Variants in DEK observed in about 807,000 individuals in gnomAD.
The protein encoded by DEK is DEK proto-oncogene.
Under a neutral mutation model 46.8 loss-of-function variants are expected in DEK, and 28 were observed. That is an observed-to-expected ratio of 0.60 (90% CI 0.44 to 0.82). DEK has a LOEUF of 0.82. DEK is among the 40% of genes least tolerant of loss of function. The probability of loss-of-function intolerance (pLI) is 0.00; values close to 1 mark genes in which losing one functional copy is unlikely to be tolerated. For missense variants in DEK, 416 were observed against 430.6 expected, an observed-to-expected ratio of 0.97 and a Z score of 0.30; for synonymous variants, 160 against 144.5, an observed-to-expected ratio of 1.11 and a Z score of -0.77.
rs1383901584 is a variant in DEK, at chr6:18,243,573, T to G, written c.763-6057A>C. ...TGCCTTCCCTGTTCCTTATCTTTGT[T>G]CACACGTACAACTTTCCTCTCCATT... On this transcript the variant is annotated intron_variant, in intron 7 of 10. Transcript: ENST00000652689. Among the ~76,000 whole-genome samples, 3 of 152,200 alleles carry G rather than the reference T, an allele frequency of 2.0e-5. No homozygotes were observed. The East Asian group carries it at 5.8e-4, about 29-fold the overall frequency.
chr6:18,225,973 A>G lies in DEK; in HGVS notation c.1116+201T>C. ...TGAGGCCACATCATAATCTGAGTTC[A>G]GGTCTTATCACTAACTGTTCAAACT... On this transcript the variant is annotated intron_variant, in intron 10 of 10. Transcript: ENST00000652689. 3 of 701,236 alleles carry G rather than the reference A, an allele frequency of 4.3e-6. No homozygotes were observed. In the South Asian group the frequency reaches 7.1e-5, roughly 16 times the overall value. 43.4% of individuals were successfully genotyped at this position (701,236 alleles called of 1,614,324 possible).
chr6:18,227,174 A>G (rs556937123), intron 9 of DEK, among the ~76,000 whole-genome samples: 1 of 152,248 alleles, frequency 6.6e-6, no homozygotes, highest in African/African-American at 2.4e-5. Context: ...GTCTGTGCTG[A>G]GGAGGGTTAG....
chr6:18,247,160 CTG>C (rs1554160475), intron 7 of DEK, among the ~76,000 whole-genome samples: 1 of 152,124 alleles, frequency 6.6e-6, no homozygotes, highest in Non-Finnish European at 1.5e-5. Context: ...ACTGTTCCTC[CTG>C]CCAGAACTTA....
intron 9 of DEK, among the ~76,000 whole-genome samples, chr6:18,235,437 A>T (rs966403632): frequency 6.6e-5 from 10 of 152,220 alleles, no homozygotes; most frequent in South Asian, 2.1e-4. Flanking sequence ...CTCCACTAGG[A>T]AATTCAGTTA....
Position 18,255,658 on chromosome 6 carries a change from T to C in DEK, c.573+73A>G, listed in dbSNP as rs73726740. 3.1e-5 allele frequency: 47 copies of C among 1,510,836 alleles called. No homozygotes were observed. In the African/African-American group the frequency reaches 5.3e-4, roughly 17 times the overall value. The allele number at this position is 1,510,836 out of a possible 1,614,324, so 93.6% of individuals were successfully genotyped here. Reference sequence around the variant, plus strand: ...ACGAATACTGACAGCAATGCTGTTATTAATCAATTTTTGTTTCATATAAAG... The same window carrying C: ...ACGAATACTGACAGCAATGCTGTTACTAATCAATTTTTGTTTCATATAAAG... On this transcript the variant is annotated intron_variant, in intron 6 of 10. Coordinates refer to ENST00000652689, the MANE Select transcript of DEK (RefSeq NM_003472.4).
chr6:18,241,746 G>A (rs1165482086), intron 7 of DEK, among the ~76,000 whole-genome samples: 3 of 152,038 alleles, frequency 2.0e-5, no homozygotes, highest in African/African-American at 7.2e-5. Context: ...AATCTTTGTT[G>A]CATATTCATT....
chr6:18,233,167 G>A (rs1447620460), intron 9 of DEK, among the ~76,000 whole-genome samples: 6 of 152,134 alleles, frequency 3.9e-5, no homozygotes, highest in Admixed American at 2.6e-4. Context: ...GCTGAAACTG[G>A]ATCGCTTCTT....
At chr6:18,232,244 C>A (rs1409925273) in intron 9 of DEK, among the ~76,000 whole-genome samples, 2 of 152,106 alleles carry the variant, frequency 1.3e-5, no homozygotes, top group Non-Finnish European at 2.9e-5. Flanking sequence ...TTATGACAAA[C>A]CCACAGTCAT....
At chr6:18,257,657 A>G (rs1791657854) in intron 4 of DEK, among the ~76,000 whole-genome samples, 1 of 152,122 alleles carries the variant, frequency 6.6e-6, no homozygotes, top group African/African-American at 2.4e-5. Context: ...TTGAGGCTGC[A>G]GTGAGCCATG....
intron 9 of DEK, among the ~76,000 whole-genome samples, chr6:18,235,164 T>C (rs1486803313): frequency 6.6e-6 from 1 of 152,210 alleles, no homozygotes; most frequent in East Asian, 1.9e-4. Flanking sequence ...AGGATAACTT[T>C]TAAAAATAAA....
chr6:18,245,089 G>T (rs1791049409), intron 7 of DEK, among the ~76,000 whole-genome samples: 1 of 152,182 alleles, frequency 6.6e-6, no homozygotes, highest in Admixed American at 6.5e-5. Flanking sequence ...CTTGCAGTTA[G>T]GTGGGCAGAC....
chr6:18,245,675 C>G (rs960397796), intron 7 of DEK, among the ~76,000 whole-genome samples: 1 of 151,968 alleles, frequency 6.6e-6, no homozygotes, highest in African/African-American at 2.4e-5. Flanking sequence ...TTTTTCTGTA[C>G]TCTGCAGTAA....
intron 6 of DEK, 57 bp downstream of exon 6, chr6:18,255,674 T>A: frequency 1.3e-6 from 2 of 1,543,634 alleles, no homozygotes; most frequent in South Asian, 2.5e-5. Flanking sequence ...AATTTTTGTT[T>A]CATATAAAGA....
At position 18,257,900 on chromosome 6, in the gene DEK, G is replaced by A. The variant is rs1414597053; in HGVS notation, c.357+53C>T. ...TGGATCACTAACATTTACAGAAATT[G>A]ATTCCATTGTGAAGTAATATACAAG... On this transcript the variant is annotated intron_variant, in intron 4 of 10. Transcript: ENST00000652689. The A allele has an allele frequency of 2.3e-6, 3 of 1,302,986 alleles. No individual in the cohort carries two copies. The African/African-American group carries it at 4.5e-5, about 19-fold the overall frequency. The allele number at this position is 1,302,986 out of a possible 1,614,324, so 80.7% of individuals were successfully genotyped here.
chr6:18,230,709 A>AGTAT (rs1790377474), intron 9 of DEK, among the ~76,000 whole-genome samples: 4 of 152,324 alleles, frequency 2.6e-5, no homozygotes, highest in Admixed American at 6.5e-5. Flanking sequence ...CCAATACAGG[A>AGTAT]GCACCCAGAT....
intron 9 of DEK, among the ~76,000 whole-genome samples, chr6:18,231,254 C>A (rs1790400709): frequency 6.6e-6 from 1 of 152,112 alleles, no homozygotes; most frequent in African/African-American, 2.4e-5. Context: ...TAAATGCCCA[C>A]AGGAGAAAGC....
In DEK at chr6:18,263,889, C is replaced by T. The variant is rs200153695; in HGVS notation, c.99G>A (p.Glu33=). Residue 33 remains glutamate, a synonymous_variant, in exon 2 of 11, where the codon GAG becomes GAA. Coordinates refer to ENST00000652689, the MANE Select transcript of DEK (RefSeq NM_003472.4). ...PEMPGPREES[E]EEEDEDDEEE... is the part of the protein sequence containing the mutation. ...CCTCGTCGTCCTCGTCCTCTTCCTC[C>T]TCGCTCTCCTCTCTGGGACCGGGCA... 581 of 1,613,046 alleles carry T rather than the reference C, an allele frequency of 3.6e-4. 1 individual carries two copies. The highest frequency in any genetic ancestry group is 4.5e-4 in the Non-Finnish European group (530 of 1,179,492).
intron 5 of DEK, 54 bp from the exon 6 acceptor site, chr6:18,255,905 G>A (rs1791573646): frequency 6.4e-7 from 1 of 1,552,632 alleles, no homozygotes; most frequent in African/African-American, 1.4e-5. Context: ...GCTTACATAT[G>A]TTCTCCACAA....
intron 9 of DEK, among the ~76,000 whole-genome samples, chr6:18,227,854 T>C (rs1790210372): frequency 6.6e-6 from 1 of 152,216 alleles, no homozygotes; most frequent in Non-Finnish European, 1.5e-5. Flanking sequence ...CAACCCTTGT[T>C]ATTATCCAGC....
Sources: allele counts gnomAD v4.1 joint callset (sites outside exome capture counted in the v4.1 genomes callset), GRCh38; gene constraint gnomAD v4.1.1; transcripts MANE v1.5; gene names NCBI Gene and HGNC (gene_info 2026-07-23, HGNC 2026-07-21).